The following RARB variants were observed in gnomAD, a reference collection of about 807,000 sequenced individuals.
RARB encodes retinoic acid receptor beta.
RARB carries 17 observed loss-of-function variants against 51.9 expected under a neutral mutation model. That is an observed-to-expected ratio of 0.33 (90% CI 0.22 to 0.49). The LOEUF is 0.49. Ranked by LOEUF, RARB falls within the 20% of genes least tolerant of loss-of-function variation. RARB has a pLI of 0.99. For missense variants in RARB, 369 were observed against 550.8 expected, an observed-to-expected ratio of 0.67 and a Z score of 3.30; for synonymous variants, 215 against 195.4, an observed-to-expected ratio of 1.10 and a Z score of -0.84.
At chr3:25,432,734 CTCTA>C (rs887481666) in intron 1 of RARB, among the ~76,000 whole-genome samples, 16 of 152,274 alleles carry the variant, frequency 1.1e-4, no homozygotes, top group Admixed American at 9.8e-4. Context: ...TATCATTAAA[CTCTA>C]TCTGAGAAGG....
At chr3:25,257,482 C>G (rs112653789) in intron 5 of RARB, among the ~76,000 whole-genome samples, 9 of 152,078 alleles carry the variant, frequency 5.9e-5, no homozygotes, top group African/African-American at 2.2e-4. Flanking sequence ...ATCTCTGTGT[C>G]TAGGAGAAGA....
chr3:25,412,599 A>G (rs927577439), intron 5 of RARB, among the ~76,000 whole-genome samples: 1 of 152,230 alleles, frequency 6.6e-6, no homozygotes, highest in African/African-American at 2.4e-5. Flanking sequence ...TGTCCACTCT[A>G]TTTTTAACTA....
intron 2 of RARB, among the ~76,000 whole-genome samples, chr3:24,928,373 A>C (rs558002331): frequency 3.3e-5 from 5 of 152,028 alleles, no homozygotes; most frequent in Non-Finnish European, 7.4e-5. Context: ...CCATCCTGTA[A>C]GTAAGACACT....
At chr3:24,903,307 G>A (rs1703645243) in intron 2 of RARB, among the ~76,000 whole-genome samples, 1 of 152,056 alleles carries the variant, frequency 6.6e-6, no homozygotes, top group Non-Finnish European at 1.5e-5. Context: ...TCTATGTGAA[G>A]TAGAGGAAGG....
intron 2 of RARB, among the ~76,000 whole-genome samples, chr3:24,945,037 A>G (rs1304826268): frequency 6.6e-6 from 1 of 152,218 alleles, no homozygotes; most frequent in Non-Finnish European, 1.5e-5. Flanking sequence ...GAACATTCAC[A>G]TGGGGAACAG....
chr3:25,467,442 C>T (rs1490335875), intron 2 of RARB, among the ~76,000 whole-genome samples: 1 of 146,232 alleles, frequency 6.8e-6, no homozygotes, highest in Non-Finnish European at 1.5e-5. Flanking sequence ...TCACCATTAG[C>T]CTAGCCTAGG....
At chr3:25,367,876 T>C in intron 5 of RARB, among the ~76,000 whole-genome samples, 1 of 151,786 alleles carries the variant, frequency 6.6e-6, no homozygotes, top group South Asian at 2.1e-4. Context: ...TAGGAGAATT[T>C]CAGAAGAATC....
chr3:24,835,128 G>T (rs548189295), intron 1 of RARB, among the ~76,000 whole-genome samples: 25 of 152,052 alleles, frequency 1.6e-4, no homozygotes, highest in Non-Finnish European at 3.1e-4. Flanking sequence ...CACCATTATC[G>T]GATTTAATCT....
At chr3:25,359,389 GTCTA>G (rs1197361522) in intron 5 of RARB, among the ~76,000 whole-genome samples, 1 of 150,906 alleles carries the variant, frequency 6.6e-6, no homozygotes, top group Non-Finnish European at 1.5e-5. Flanking sequence ...CTGGTTAGTG[GTCTA>G]TCTATTTTGT....
chr3:24,983,233 T>C (rs917237860), intron 2 of RARB, among the ~76,000 whole-genome samples: 1 of 152,190 alleles, frequency 6.6e-6, no homozygotes, highest in African/African-American at 2.4e-5. Context: ...TTAGTAGAAT[T>C]GTACCTGAGC....
rs1168782848 is a variant in RARB at position 25,097,368 on chromosome 3, T to A, written c.-327-34793T>A. Among the ~76,000 whole-genome samples, 3 of 152,162 alleles carry A rather than the reference T, an allele frequency of 2.0e-5. No individual in the cohort carries two copies. The East Asian group carries it at 5.8e-4, about 29-fold the overall frequency. ...GCAGGTACTAAAAAAGAAAGTAACA[T>A]GAAAACATTGAGGGGGTTACTTGAA... On this transcript the variant is annotated intron_variant, in intron 3 of 11. Coordinates refer to the RARB transcript ENST00000383772.
intron 2 of RARB, among the ~76,000 whole-genome samples, chr3:24,923,048 G>A (rs192664990): frequency 2.0e-5 from 3 of 152,164 alleles, no homozygotes; most frequent in Admixed American, 2.0e-4. Context: ...ACTTGCAGCA[G>A]GTTACAACAA....
intron 5 of RARB, among the ~76,000 whole-genome samples, chr3:25,391,465 C>T (rs926220670): frequency 1.8e-4 from 27 of 152,300 alleles, no homozygotes; most frequent in African/African-American, 6.3e-4. Context: ...TTTAAGGAAT[C>T]TCCACACTGT....
At chr3:24,991,761 G>GTT (rs77706052) in intron 2 of RARB, among the ~76,000 whole-genome samples, 9,518 of 143,368 alleles carry the variant, frequency 0.066, 416 homozygotes, top group Middle Eastern at 0.14. Context: ...TATGGAGGGT[G>GTT]TTTTTTTTTT....
chr3:25,045,564 C>G (rs187870188), intron 2 of RARB, among the ~76,000 whole-genome samples: 3 of 152,308 alleles, frequency 2.0e-5, no homozygotes, highest in Non-Finnish European at 4.4e-5. Flanking sequence ...TTCAGTGTTG[C>G]TACTTCTACT....
intron 2 of RARB, among the ~76,000 whole-genome samples, chr3:24,890,243 C>T (rs1268991597): frequency 1.3e-5 from 2 of 152,152 alleles, no homozygotes; most frequent in Non-Finnish European, 2.9e-5. Context: ...AAATGACTCA[C>T]TCTCCTCTCT....
rs544900409 is a variant in RARB, at chr3:25,019,884, G to A, written c.-379-40241G>A. Among the ~76,000 whole-genome samples the A allele has an allele frequency of 7.9e-5, 12 of 152,172 alleles. No individual in the cohort carries two copies. The South Asian group carries it at 2.5e-3, about 32-fold the overall frequency. ...GGGGGCACTTGTTTCATAGGCAGCAGGGAGCTTGGGAGATTAAAGAGACTC... is the reference window on the plus strand; with the variant it reads ...GGGGGCACTTGTTTCATAGGCAGCAAGGAGCTTGGGAGATTAAAGAGACTC... On this transcript the variant is annotated intron_variant, in intron 2 of 11. Transcript: ENST00000383772.
At chr3:25,513,362 G>T (rs1697999173) in intron 3 of RARB, among the ~76,000 whole-genome samples, 1 of 151,930 alleles carries the variant, frequency 6.6e-6, no homozygotes, top group Non-Finnish European at 1.5e-5. Context: ...AGAAAGAAAA[G>T]GGTACCTAAG....
At chr3:25,383,104 G>A (rs373291912) in intron 5 of RARB, among the ~76,000 whole-genome samples, 1 of 152,196 alleles carries the variant, frequency 6.6e-6, no homozygotes, top group Non-Finnish European at 1.5e-5. Flanking sequence ...AAATTCCTGT[G>A]TTTGATCAGG....
Sources: allele counts gnomAD v4.1 joint callset (sites outside exome capture counted in the v4.1 genomes callset), GRCh38; gene constraint gnomAD v4.1.1; transcripts MANE v1.5; gene names NCBI Gene and HGNC (gene_info 2026-07-23, HGNC 2026-07-21).